SASH1: variants seen among roughly 807,000 people sequenced by gnomAD.
SASH1 encodes SAM and SH3 domain-containing protein 1.
SASH1 carries 44 observed loss-of-function variants against 125.2 expected under a neutral mutation model. The ratio of observed to expected loss-of-function variants is 0.35; its 90% CI spans 0.28 to 0.45. The LOEUF is 0.45. Ranked by LOEUF, SASH1 falls within the 20% of genes least tolerant of loss-of-function variation. SASH1 has a pLI of 1.00. For synonymous variants in SASH1, 639 were observed against 649.1 expected (o/e 0.98, Z 0.24); for missense variants, 1,426 against 1,614.5 (o/e 0.88, Z 2.00).
chr6:148,501,677 C>G (rs1488007257), intron 8 of SASH1, among the ~76,000 whole-genome samples: 1 of 152,160 alleles, frequency 6.6e-6, no homozygotes, highest in East Asian at 1.9e-4. Context: ...GCAGAAATGT[C>G]TTCCAAAGAT....
At position 148,531,637 on chromosome 6, in the gene SASH1, T is replaced by A; in HGVS notation, c.1540T>A (p.Ser514Thr). 6.4e-7 allele frequency: 1 copy of A among 1,558,460 alleles called. No individual in the cohort carries two copies. The highest frequency in any genetic ancestry group is 8.7e-7 in the Non-Finnish European group (1 of 1,154,072). Residue 514 changes from serine (S) to threonine (T), a missense_variant, in exon 13 of 20, where the codon TCT becomes ACT. Transcript: ENST00000367467. ...AGGSVESLRS[S>T]LSGQSSMSGQ... ...GGGTTCTGTAGAAAGTCTTCGCAGT[T>A]CTCTCAGTGGGCAGAGCTCCATGAG...
chr6:148,327,477 G>A (rs1780862022), intron 1 of SASH1, among the ~76,000 whole-genome samples: 1 of 151,032 alleles, frequency 6.6e-6, no homozygotes, highest in South Asian at 2.1e-4. Flanking sequence ...TAGAGACGGG[G>A]TTTCACCATC....
At chr6:148,504,115 G>A (rs1457222915) in intron 8 of SASH1, among the ~76,000 whole-genome samples, 1 of 152,192 alleles carries the variant, frequency 6.6e-6, no homozygotes, top group East Asian at 1.9e-4. Context: ...TAAGGTAGAT[G>A]AGGAGCAAAG....
intron 1 of SASH1, among the ~76,000 whole-genome samples, chr6:148,276,514 C>A (rs966967939): frequency 1.3e-5 from 2 of 151,998 alleles, no homozygotes; most frequent in Admixed American, 1.3e-4. Flanking sequence ...AGGAACAGCG[C>A]CCAGTCGATT....
At chr6:148,302,096 A>G (rs1779964728) in intron 1 of SASH1, among the ~76,000 whole-genome samples, 2 of 150,978 alleles carry the variant, frequency 1.3e-5, no homozygotes, top group Admixed American at 1.3e-4. Context: ...CAGGCAGATC[A>G]TGAGATCAGG....
intron 1 of SASH1, among the ~76,000 whole-genome samples, chr6:148,273,733 C>G (rs1051455823): frequency 2.0e-5 from 3 of 152,256 alleles, no homozygotes; most frequent in Non-Finnish European, 4.4e-5. Flanking sequence ...GAGGGCCTCT[C>G]CTGCCCCTTC....
intron 1 of SASH1, among the ~76,000 whole-genome samples, chr6:148,322,111 G>A (rs1464496058): frequency 6.6e-6 from 1 of 152,126 alleles, no homozygotes; most frequent in Non-Finnish European, 1.5e-5. Flanking sequence ...AGCACTTTGG[G>A]AGGCCGAGGC....
At chr6:148,507,167 G>A (rs1046247125) in intron 8 of SASH1, among the ~76,000 whole-genome samples, 4 of 152,154 alleles carry the variant, frequency 2.6e-5, no homozygotes, top group African/African-American at 9.7e-5. Flanking sequence ...ATACTTCTGA[G>A]CAGAAGACAG....
chr6:148,536,522 T>A (rs1781856321), intron 16 of SASH1, among the ~76,000 whole-genome samples: 2 of 152,166 alleles, frequency 1.3e-5, no homozygotes, highest in Admixed American at 1.3e-4. Context: ...GTATTTTTAG[T>A]AGAGACGGGG....
In SASH1 at chr6:148,529,039, C is replaced by T. The variant is rs967760162; in HGVS notation, c.1428+1443C>T. Among the ~76,000 whole-genome samples the T allele has an allele frequency of 2.0e-5, 3 of 152,016 alleles. No individual in the cohort carries two copies. The highest frequency in any genetic ancestry group is 2.9e-5 in the Non-Finnish European group (2 of 68,016). ...ATTCACAATAGGATTCGTGCTCCTA[C>T]GAGAATCTAATACCGCCGCTGATCT... is the stretch of plus-strand genomic sequence containing the variant. On this transcript the variant is annotated intron_variant, in intron 12 of 19. Coordinates refer to ENST00000367467, the MANE Select transcript of SASH1 (RefSeq NM_015278.5). This position sits in a 1 kb window ranked among gnomAD's most constrained non-coding sequence, Gnocchi z 4.2.
chr6:148,474,205 G>T lies in SASH1; in HGVS notation c.610G>T (p.Glu204Ter). 1 of 1,601,338 alleles carries T rather than the reference G, an allele frequency of 6.2e-7. No individual in the cohort carries two copies. Among genetic ancestry groups the T allele is most frequent in the South Asian group, 1.1e-5 (1 of 88,758 alleles). Reference protein sequence around the residue: ...MMVKEKMITIEEALARLKEYE... With the variant: ...MMVKEKMITI ...GGTCAAAGAAAAGATGATCACAATT[G>T]AGGAAGCACTTGCTAGGGTAAGCAT... Residue 204 changes from glutamate (E) to a stop codon, truncating the protein, a stop_gained, in exon 7 of 20, where the codon GAG becomes TAG. Transcript: ENST00000367467. LOFTEE classifies it high-confidence loss of function.
chr6:148,278,332 C>T (rs552505636), intron 1 of SASH1, among the ~76,000 whole-genome samples: 60 of 152,236 alleles, frequency 3.9e-4, no homozygotes, highest in East Asian at 2.3e-3. Flanking sequence ...CCACCGCACC[C>T]GGCCGGGAGA....
At chr6:148,344,317 G>A (rs1418266250) in intron 1 of SASH1, among the ~76,000 whole-genome samples, 1 of 152,180 alleles carries the variant, frequency 6.6e-6, no homozygotes, top group Non-Finnish European at 1.5e-5. Context: ...CTGGGTTGAT[G>A]TGTGTATCAA....
intron 1 of SASH1, among the ~76,000 whole-genome samples, chr6:148,321,582 T>C (rs779647354): frequency 1.3e-5 from 2 of 152,136 alleles, no homozygotes; most frequent in Admixed American, 1.3e-4. Context: ...TCTTTGAAAG[T>C]AATGGCAAAA....
intron 2 of SASH1, among the ~76,000 whole-genome samples, chr6:148,433,394 T>G (rs1318805299): frequency 6.8e-6 from 1 of 147,392 alleles, no homozygotes. Context: ...TTAATACTTT[T>G]GTTTCTTTTT....
chr6:148,521,850 C>T (rs548529477), intron 10 of SASH1, among the ~76,000 whole-genome samples: 2 of 152,338 alleles, frequency 1.3e-5, no homozygotes, highest in Admixed American at 1.3e-4. Flanking sequence ...CGCACTTCTT[C>T]TGTTAATTGA....
At chr6:148,222,488 A>G in the SASH1 span, among the ~76,000 whole-genome samples, 14 of 152,092 alleles carry the variant, frequency 9.2e-5, no homozygotes, top group Non-Finnish European at 2.1e-4. Flanking sequence ...GTGCACTTCA[A>G]ATCGCTTCTG....
At chr6:148,541,030 A>G (rs566552320) in intron 17 of SASH1, among the ~76,000 whole-genome samples, 52 of 152,058 alleles carry the variant, frequency 3.4e-4, no homozygotes, top group Non-Finnish European at 6.8e-4. Context: ...TGTAATCAGT[A>G]TGAAATTTCA....
At chr6:148,446,229 C>T (rs1383126252) in intron 4 of SASH1, among the ~76,000 whole-genome samples, 2 of 151,054 alleles carry the variant, frequency 1.3e-5, no homozygotes, top group Non-Finnish European at 2.9e-5. Flanking sequence ...CTGCCTCAGC[C>T]TCCCCAGTAG....
Sources: gnomAD v4.1 joint callset for allele counts (sites outside exome capture counted in the v4.1 genomes callset) on GRCh38, gnomAD v4.1.1 for gene constraint, Gnocchi (gnomAD v3.1) non-coding constraint, MANE v1.5 for transcripts, NCBI Gene and HGNC (gene_info 2026-07-23, HGNC 2026-07-21) for gene names.